Variants in PPP3CA observed in about 807,000 individuals in gnomAD.
PPP3CA encodes CAM-PRP catalytic subunit.
PPP3CA carries 14 observed loss-of-function variants against 66.5 expected under a neutral mutation model. The observed-to-expected ratio is 0.21, with a 90% CI of 0.14 to 0.33. The LOEUF (loss-of-function observed/expected upper bound fraction) is 0.33. Among genes scored for constraint, PPP3CA ranks in the 10% least tolerant of loss-of-function variants. The pLI is 1.00. For synonymous variants in PPP3CA, 232 were observed against 226.2 expected (o/e 1.03, Z -0.23); for missense variants, 317 against 639.5 (o/e 0.50, Z 5.44).
intron 1 of PPP3CA, among the ~76,000 whole-genome samples, chr4:101,331,536 C>T (rs1729387096): frequency 6.6e-6 from 1 of 152,082 alleles, no homozygotes; most frequent in Non-Finnish European, 1.5e-5. Context: ...ATTTGTGATC[C>T]ATCGTGCGTA....
rs3974776 is a variant in PPP3CA at position 101,292,081 on chromosome 4, A to AAC, written c.58+54656_58+54657dup. ...AGTTCGAGGCTGCACTGAGCCCATGAACACACACACACACACACACACACA... is the reference window on the plus strand; with the variant it reads ...AGTTCGAGGCTGCACTGAGCCCATGAACACACACACACACACACACACACACA... On this transcript the variant is annotated intron_variant, in intron 1 of 13. Transcript: ENST00000394854. Among the ~76,000 whole-genome samples the AAC allele has an allele frequency of 5.0e-3, 647 of 130,706 alleles. 9 individuals carry two copies. Among genetic ancestry groups the AAC allele is most frequent in the African/African-American group, 0.016 (558 of 34,712 alleles). The allele number at this position is 130,706 out of a possible 152,430, so 85.7% of individuals were successfully genotyped here. A position where few individuals can be genotyped will look rare whatever the true frequency, so the allele number is the denominator to read the frequency against.
At chr4:101,302,408 C>CTTTCCTAAG (rs1728407264) in intron 1 of PPP3CA, among the ~76,000 whole-genome samples, 1 of 152,168 alleles carries the variant, frequency 6.6e-6, no homozygotes, top group Non-Finnish European at 1.5e-5. Context: ...CAAGGATAAA[C>CTTTCCTAAG]TTTTCTAAGT....
chr4:101,301,308 T>C (rs1307572629), intron 1 of PPP3CA, among the ~76,000 whole-genome samples: 1 of 151,358 alleles, frequency 6.6e-6, no homozygotes, highest in East Asian at 1.9e-4. Context: ...ACCTGCTAAA[T>C]ATTAGGCCCT....
chr4:101,170,579 C>A (rs1723845393), intron 2 of PPP3CA, among the ~76,000 whole-genome samples: 1 of 151,500 alleles, frequency 6.6e-6, no homozygotes, highest in African/African-American at 2.4e-5. Context: ...AAAAAAATAA[C>A]AACAGGAGAC....
chr4:101,312,039 G>A (rs1446218448), intron 1 of PPP3CA, among the ~76,000 whole-genome samples: 2 of 152,090 alleles, frequency 1.3e-5, no homozygotes, highest in African/African-American at 4.8e-5. Context: ...TTTAATGAAT[G>A]CCTACTCTTT....
intron 1 of PPP3CA, among the ~76,000 whole-genome samples, chr4:101,287,657 G>A (rs973657784): frequency 6.6e-6 from 1 of 151,954 alleles, no homozygotes; most frequent in Non-Finnish European, 1.5e-5. Context: ...CAAGAAAGAC[G>A]CTATTTCAAT....
At chr4:101,301,307 A>ATAT (rs1578645382) in intron 1 of PPP3CA, among the ~76,000 whole-genome samples, 1 of 151,412 alleles carries the variant, frequency 6.6e-6, no homozygotes, top group Admixed American at 6.6e-5. Context: ...TACCTGCTAA[A>ATAT]TATTAGGCCC....
intron 10 of PPP3CA, among the ~76,000 whole-genome samples, chr4:101,053,857 T>C (rs1728115297): frequency 6.6e-6 from 1 of 152,060 alleles, no homozygotes; most frequent in Admixed American, 6.6e-5. Flanking sequence ...TAAATGTTTT[T>C]CTTAACAATA....
intron 1 of PPP3CA, among the ~76,000 whole-genome samples, chr4:101,233,887 A>G (rs1578578504): frequency 6.6e-6 from 1 of 151,694 alleles, no homozygotes; most frequent in East Asian, 2.0e-4. Flanking sequence ...TACCCAATAG[A>G]TATTTTTTTC....
At chr4:101,168,291 G>T (rs977839437) in intron 2 of PPP3CA, among the ~76,000 whole-genome samples, 1 of 152,262 alleles carries the variant, frequency 6.6e-6, no homozygotes, top group Middle Eastern at 3.4e-3. Context: ...AAAGTAGGAA[G>T]AACAGATTTA....
At chr4:101,297,838 T>TACAAC (rs1159946998) in intron 1 of PPP3CA, among the ~76,000 whole-genome samples, 6 of 152,346 alleles carry the variant, frequency 3.9e-5, no homozygotes. Flanking sequence ...CATGTTGAAA[T>TACAAC]ACAACTGTTT....
At chr4:101,031,932 A>G (rs1334697687) in intron 12 of PPP3CA, among the ~76,000 whole-genome samples, 1 of 152,232 alleles carries the variant, frequency 6.6e-6, no homozygotes, top group Non-Finnish European at 1.5e-5. Flanking sequence ...ATGTGATTAA[A>G]AAGTTGTTTT....
At chr4:101,133,277 G>C (rs1722508832) in intron 2 of PPP3CA, among the ~76,000 whole-genome samples, 1 of 152,166 alleles carries the variant, frequency 6.6e-6, no homozygotes, top group Non-Finnish European at 1.5e-5. Context: ...AAGAAATAAA[G>C]GTATTCAAAT....
intron 1 of PPP3CA, among the ~76,000 whole-genome samples, chr4:101,233,848 C>A (rs1222693624): frequency 6.6e-6 from 1 of 151,450 alleles, no homozygotes; most frequent in African/African-American, 2.4e-5. Context: ...TTTGTTAATA[C>A]TGTTTCATCA....
intron 2 of PPP3CA, 109 bp downstream of exon 2, chr4:101,195,807 T>C: frequency 1.2e-6 from 1 of 857,724 alleles, no homozygotes. Context: ...AGTAAAAGAT[T>C]ATGATGGGTA....
intron 1 of PPP3CA, among the ~76,000 whole-genome samples, chr4:101,236,162 T>C (rs1726122391): frequency 6.6e-6 from 1 of 151,656 alleles, no homozygotes; most frequent in Non-Finnish European, 1.5e-5. Flanking sequence ...GCAAATGCAA[T>C]GAAGGACACA....
At chr4:101,176,907 C>T (rs1490938581) in intron 2 of PPP3CA, among the ~76,000 whole-genome samples, 1 of 152,004 alleles carries the variant, frequency 6.6e-6, no homozygotes. Context: ...CCCTTTTCAC[C>T]ATGCTTTTTT....
intron 12 of PPP3CA, among the ~76,000 whole-genome samples, chr4:101,030,873 G>A (rs1393668329): frequency 6.6e-6 from 1 of 151,996 alleles, no homozygotes; most frequent in African/African-American, 2.4e-5. Flanking sequence ...AGTCAGTTAG[G>A]TAGATGGTAC....
At chr4:101,044,519 A>G (rs923427484) in intron 10 of PPP3CA, among the ~76,000 whole-genome samples, 3 of 152,240 alleles carry the variant, frequency 2.0e-5, no homozygotes, top group South Asian at 2.1e-4. Flanking sequence ...AAAAAAACAT[A>G]TAATCACTTA....
Sources: allele counts gnomAD v4.1 joint callset (sites outside exome capture counted in the v4.1 genomes callset), GRCh38; gene constraint gnomAD v4.1.1; transcripts MANE v1.5; gene names NCBI Gene and HGNC (gene_info 2026-07-23, HGNC 2026-07-21).